CHD2: variants seen among roughly 807,000 people sequenced by gnomAD.
CHD2 encodes chromodomain helicase DNA binding protein 2.
Under a neutral mutation model 243.9 loss-of-function variants are expected in CHD2, and 28 were observed. That is an observed-to-expected ratio of 0.11 (90% confidence interval 0.09 to 0.16). CHD2 has a LOEUF of 0.16. Ranked by LOEUF, CHD2 falls within the 10% of genes least tolerant of loss-of-function variation. CHD2 has a pLI of 1.00. For missense variants in CHD2, 1,386 were observed against 2,209.8 expected (o/e 0.63, Z 7.47); for synonymous variants, 775 against 779.0 (o/e 0.99, Z 0.09).
intron 2 of CHD2, among the ~76,000 whole-genome samples, chr15:92,923,287 G>A (rs1366766696): frequency 6.6e-6 from 1 of 152,038 alleles, no homozygotes; most frequent in African/African-American, 2.4e-5. Flanking sequence ...TGGAGACAGG[G>A]TCTCACTGTG....
rs2053607172 is a variant in CHD2, at chr15:92,955,490, A to G, written c.1787A>G (p.Tyr596Cys). 1 of 1,594,838 alleles carries G rather than the reference A, an allele frequency of 6.3e-7. No homozygotes were observed. Among genetic ancestry groups the G allele is most frequent in the African/African-American group, 1.4e-5 (1 of 73,658 alleles). Reference sequence around the variant, plus strand: ...AAGTTCAACGCACTTATAACAACATATGAGATCCTCTTGAAAGATAAGGTG... The same window carrying G: ...AAGTTCAACGCACTTATAACAACATGTGAGATCCTCTTGAAAGATAAGGTG... ...RLKFNALITT[Y>C]EILLKDKTVL... The change falls in exon 15 of 39, where the codon TAT becomes TGT. Residue 596 changes from tyrosine to cysteine, a missense_variant. Tyr to Cys is a radical substitution (Grantham distance 194). Transcript: ENST00000394196.
Position 92,998,596 on chromosome 15 carries a change from A to C in CHD2, c.3983A>C (p.Lys1328Thr). ...LKLLRKGLEK[K>T]GAVTGGEEAK... Reference sequence around the variant, plus strand: ...CTGCTCAGAAAGGGTCTGGAGAAGAAGGGGGCTGTGACAGGTGGGGAAGAG... The same window carrying C: ...CTGCTCAGAAAGGGTCTGGAGAAGACGGGGGCTGTGACAGGTGGGGAAGAG... Residue 1328 changes from lysine (K) to threonine (T), a missense_variant, in exon 31 of 39, where the codon AAG (lysine) becomes ACG (threonine). This residue lies in a region of CHD2 where 125 missense variants were observed against 128.9 expected (regional missense o/e 0.97). Coordinates refer to ENST00000394196, the MANE Select transcript of CHD2 (RefSeq NM_001271.4). The surrounding 1 kb of genome is among the most constrained non-coding windows in gnomAD (Gnocchi z 5.1). 1 of 1,612,956 alleles carries C rather than the reference A, an allele frequency of 6.2e-7. No homozygotes were observed. The highest frequency in any genetic ancestry group is 1.7e-5 in the Admixed American group (1 of 60,016).
intron 23 of CHD2, 42 bp from the exon 24 acceptor site, chr15:92,981,323 G>A: frequency 6.8e-7 from 1 of 1,465,084 alleles, no homozygotes; most frequent in African/African-American, 1.4e-5. Context: ...CAACTCATCT[G>A]TTGCCATTTT....
chr15:92,985,785 A>G (rs1467734171), intron 26 of CHD2, 112 bp downstream of exon 26: 11 of 1,076,380 alleles, frequency 1.0e-5, no homozygotes, highest in Non-Finnish European at 1.4e-5. Context: ...ATACCTACAA[A>G]AAAGGAAAGA....
intron 5 of CHD2, among the ~76,000 whole-genome samples, chr15:92,931,158 G>A (rs548864902): frequency 4.3e-4 from 65 of 152,310 alleles, no homozygotes; most frequent in Non-Finnish European, 7.8e-4. Context: ...CTCACTCAGA[G>A]AGTGAAAGGT....
intron 16 of CHD2, among the ~76,000 whole-genome samples, chr15:92,965,768 C>G (rs2141828399): frequency 7.5e-6 from 1 of 132,998 alleles, no homozygotes; most frequent in Non-Finnish European, 1.7e-5. Context: ...CATATTAACT[C>G]CCTTAATATA....
chr15:92,998,698 C>G lies in CHD2; in HGVS notation c.4008+77C>G. ...GCAGAATTAGGTAGGAAGAGAGAGG[C>G]CCTCTCTGAGCACTGCACAGAATGT... On this transcript the variant is annotated intron_variant, in intron 31 of 38. Coordinates refer to ENST00000394196, the MANE Select transcript of CHD2 (RefSeq NM_001271.4). This position sits in a 1 kb window ranked among gnomAD's most constrained non-coding sequence, Gnocchi z 5.1. 1.9e-6 allele frequency: 3 copies of G among 1,541,728 alleles called. No homozygotes were observed.
intron 5 of CHD2, among the ~76,000 whole-genome samples, chr15:92,933,660 C>G (rs2053216393): frequency 6.6e-6 from 1 of 152,148 alleles, no homozygotes. Context: ...GAGTGCAGTG[C>G]AGTAGCACAT....
At chr15:92,979,097 T>TGGTCC (rs1219132502) in intron 21 of CHD2, 38 bp from the exon 22 acceptor site, 1 of 1,596,806 alleles carries the variant, frequency 6.3e-7, no homozygotes, top group Non-Finnish European at 8.5e-7. Context: ...GGTTGGGGGG[T>TGGTCC]GGTTCAGGCA....
intron 6 of CHD2, among the ~76,000 whole-genome samples, chr15:92,938,255 T>C (rs940270214): frequency 6.6e-6 from 1 of 152,240 alleles, no homozygotes; most frequent in East Asian, 1.9e-4. Flanking sequence ...AGTTTAAGGA[T>C]AGAGAGCACT....
chr15:92,923,561 GTT>G (rs1199703270), intron 2 of CHD2, among the ~76,000 whole-genome samples: 16 of 121,524 alleles, frequency 1.3e-4, no homozygotes, highest in African/African-American at 2.7e-4. Context: ...TGTCCAGCTT[GTT>G]TTTTTTTTTT....
Position 92,900,753 on chromosome 15 carries a change from TTAA to T in CHD2, c.-141_-139del. On this transcript the variant is annotated 5_prime_UTR_variant, in exon 1 of 39. Coordinates refer to ENST00000394196, the MANE Select transcript of CHD2 (RefSeq NM_001271.4). ...TTAACGGAGGATTTTGCCTTTATTT[TTAA>T]TTATTTGGGATCTGATATTTTTCTA... 2 of 396,750 alleles carry T rather than the reference TTAA, an allele frequency of 5.0e-6. No individual in the cohort carries two copies. Among genetic ancestry groups the T allele is most frequent in the Middle Eastern group, 6.3e-4 (1 of 1,580 alleles). The allele number at this position is 396,750 out of a possible 1,614,324, so 24.6% of individuals were successfully genotyped here.
rs202154401 is a variant in CHD2, at chr15:92,936,857, A to AG, written c.444-657dup. Among the ~76,000 whole-genome samples, 637 of 149,474 alleles carry AG rather than the reference A, an allele frequency of 4.3e-3. 2 individuals are homozygous for AG. Among genetic ancestry groups the AG allele is most frequent in the Non-Finnish European group, 4.6e-3 (311 of 67,404 alleles). On this transcript the variant is annotated intron_variant, in intron 5 of 38. Transcript: ENST00000394196. Reference sequence around the variant, plus strand: ...GAAATCTTTTTTTTTTTGATGGAGGAGGGGCAGATAGGGGCAGGGTTTCAC... The same window carrying AG: ...GAAATCTTTTTTTTTTTGATGGAGGAGGGGGCAGATAGGGGCAGGGTTTCAC...
intron 28 of CHD2, among the ~76,000 whole-genome samples, chr15:92,993,907 C>T (rs566413659): frequency 1.8e-4 from 27 of 152,060 alleles, no homozygotes; most frequent in South Asian, 6.2e-4. Flanking sequence ...GAGATCATGC[C>T]GCTGCAGTGA....
chr15:92,908,362 T>C (rs2052661687), intron 2 of CHD2, among the ~76,000 whole-genome samples: 1 of 152,234 alleles, frequency 6.6e-6, no homozygotes, highest in African/African-American at 2.4e-5. Flanking sequence ...ATGCCGAACA[T>C]GCAAGTCTGC....
chr15:92,939,346 C>A (rs1321321643), intron 6 of CHD2, among the ~76,000 whole-genome samples: 1 of 152,082 alleles, frequency 6.6e-6, no homozygotes, highest in East Asian at 1.9e-4. Context: ...ACGTTCTTTC[C>A]CATAAATGAT....
At chr15:92,948,590 C>T (rs1412686962) in intron 12 of CHD2, among the ~76,000 whole-genome samples, 1 of 152,030 alleles carries the variant, frequency 6.6e-6, no homozygotes, top group African/African-American at 2.4e-5. Flanking sequence ...TCCCAGCACT[C>T]TGGGAGGCCG....
intron 13 of CHD2, chr15:92,949,308 G>T: frequency 8.6e-7 from 1 of 1,156,744 alleles, no homozygotes; most frequent in Non-Finnish European, 1.1e-6. Context: ...TTCATTATTT[G>T]GTGGGTAATT....
At chr15:92,972,456 C>T in intron 19 of CHD2, 39 bp downstream of exon 19, 1 of 1,531,974 alleles carries the variant, frequency 6.5e-7, no homozygotes, top group South Asian at 1.3e-5. Flanking sequence ...GGGAATCAAT[C>T]TCTCTCTCCG....
Sources: allele counts gnomAD v4.1 joint callset (sites outside exome capture counted in the v4.1 genomes callset), GRCh38; gene constraint gnomAD v4.1.1; regional missense constraint gnomAD v4.1.1; non-coding constraint Gnocchi (gnomAD v3.1); transcripts MANE v1.5; gene names NCBI Gene and HGNC (gene_info 2026-07-23, HGNC 2026-07-21).